Variants in MYO16 observed in about 807,000 individuals in gnomAD.
The protein encoded by MYO16 is unconventional myosin-XVI.
Under a neutral mutation model 205.3 loss-of-function variants are expected in MYO16, and 94 were observed. The ratio of observed to expected loss-of-function variants is 0.46; its 90% confidence interval spans 0.39 to 0.54. MYO16 has a LOEUF of 0.54. Ranked by LOEUF, MYO16 falls within the 20% of genes least tolerant of loss-of-function variation. MYO16 has a pLI of 0.00. For missense variants in MYO16, 2,315 were observed against 2,387.5 expected (o/e 0.97, Z 0.63); for synonymous variants, 988 against 954.0 (o/e 1.04, Z -0.66).
At chr13:109,151,281 C>T (rs1877648683) in intron 32 of MYO16, among the ~76,000 whole-genome samples, 1 of 152,230 alleles carries the variant, frequency 6.6e-6, no homozygotes, top group East Asian at 1.9e-4. Flanking sequence ...CAGGCCTTTA[C>T]TGACTCCATC....
intron 4 of MYO16, among the ~76,000 whole-genome samples, chr13:108,730,858 C>G (rs995388396): frequency 6.6e-6 from 1 of 152,218 alleles, no homozygotes; most frequent in African/African-American, 2.4e-5. Context: ...GACACTCCTT[C>G]TCTGTACTTT....
At chr13:108,995,812 A>G (rs983849004) in intron 21 of MYO16, among the ~76,000 whole-genome samples, 1 of 152,114 alleles carries the variant, frequency 6.6e-6, no homozygotes, top group Non-Finnish European at 1.5e-5. Flanking sequence ...GTGTATATGT[A>G]CCACATTTTC....
intron 28 of MYO16, among the ~76,000 whole-genome samples, chr13:109,108,308 C>G (rs1490891582): frequency 1.3e-5 from 2 of 152,152 alleles, no homozygotes; most frequent in East Asian, 3.9e-4. Flanking sequence ...CCACATCTTC[C>G]CTTTGCAAAT....
At chr13:109,161,043 G>A (rs1184415501) in intron 32 of MYO16, among the ~76,000 whole-genome samples, 3 of 152,122 alleles carry the variant, frequency 2.0e-5, no homozygotes, top group Non-Finnish European at 4.4e-5. Flanking sequence ...GTCAGGGCAC[G>A]GCTGCTTTCA....
rs1882754753 is a variant in MYO16, at chr13:108,688,179, GGCCTTAATTACAAGA to G, written c.292+22036_292+22050del. On this transcript the variant is annotated intron_variant, in intron 2 of 34. Transcript: ENST00000457511. ...GAAATTACAAGACCCTAATTACAAG[GGCCTTAATTACAAGA>G]GCCTTGTAATTTTTTTCCCCATGTA... is the stretch of plus-strand genomic sequence containing the variant. 8.5e-5 allele frequency among the ~76,000 whole-genome samples: 13 copies of G among 152,058 alleles called. No homozygotes were observed. The South Asian group carries it at 2.3e-3, about 27-fold the overall frequency.
intron 20 of MYO16, among the ~76,000 whole-genome samples, chr13:108,975,629 T>C (rs1884227542): frequency 6.6e-6 from 1 of 152,198 alleles, no homozygotes; most frequent in Non-Finnish European, 1.5e-5. Context: ...CCAGCCATGC[T>C]TCCTTATAGA....
chr13:108,560,480 A>G, the MYO16 span, among the ~76,000 whole-genome samples: 1 of 152,254 alleles, frequency 6.6e-6, no homozygotes, highest in Non-Finnish European at 1.5e-5. Context: ...TGCTTTGGAT[A>G]TTCCAGTAAA....
intron 33 of MYO16, among the ~76,000 whole-genome samples, chr13:109,166,111 A>C (rs967879898): frequency 6.6e-6 from 1 of 152,228 alleles, no homozygotes; most frequent in Non-Finnish European, 1.5e-5. Context: ...TAAGATAAAA[A>C]ATTAAAAGCA....
upstream of MYO16, among the ~76,000 whole-genome samples, chr13:108,628,165 G>A (rs1181984763): frequency 6.6e-6 from 1 of 152,096 alleles, no homozygotes; most frequent in Non-Finnish European, 1.5e-5. Flanking sequence ...GGTATATAAA[G>A]GCTCTGTTTT....
chr13:108,908,023 A>G (rs950316182), intron 15 of MYO16, among the ~76,000 whole-genome samples: 2 of 152,246 alleles, frequency 1.3e-5, no homozygotes, highest in Non-Finnish European at 2.9e-5. Flanking sequence ...AATATTATTA[A>G]TATTAAACAG....
chr13:108,632,135 G>C (rs1594159362), intron 1 of MYO16, among the ~76,000 whole-genome samples: 4 of 147,200 alleles, frequency 2.7e-5, no homozygotes, highest in Middle Eastern at 3.6e-3. Context: ...AGGGTTTATT[G>C]ATAAGGATCA....
At chr13:109,193,120 C>T (rs1019280789) in intron 34 of MYO16, among the ~76,000 whole-genome samples, 2 of 151,614 alleles carry the variant, frequency 1.3e-5, no homozygotes, top group Admixed American at 6.6e-5. Context: ...TCTCTCTCTC[C>T]CTCTCTCTTT....
chr13:109,182,859 T>C (rs1019632189), intron 34 of MYO16, among the ~76,000 whole-genome samples: 4 of 152,208 alleles, frequency 2.6e-5, no homozygotes, highest in African/African-American at 4.8e-5. Flanking sequence ...GTAGTGAAAA[T>C]TAATTTTACA....
At chr13:108,504,976 A>G in the MYO16 span, among the ~76,000 whole-genome samples, 22 of 152,304 alleles carry the variant, frequency 1.4e-4, no homozygotes, top group Middle Eastern at 3.4e-3. Flanking sequence ...GTTCTAGTCT[A>G]TGACTAGATT....
chr13:109,008,710 G>T (rs1269669452), intron 21 of MYO16, among the ~76,000 whole-genome samples, 187 bp from the exon 22 acceptor site: 1 of 146,866 alleles, frequency 6.8e-6, no homozygotes, highest in Non-Finnish European at 1.5e-5. Flanking sequence ...TGTCTATCTT[G>T]TGTATGCACT....
At chr13:109,120,346 G>A in intron 28 of MYO16, 24 bp from the exon 29 acceptor site, 1 of 1,525,708 alleles carries the variant, frequency 6.6e-7, no homozygotes, top group Non-Finnish European at 9.0e-7. Flanking sequence ...GCTGTTAAAT[G>A]TTTCCCTGCT....
At chr13:109,142,466 G>T (rs1877143846) in intron 32 of MYO16, among the ~76,000 whole-genome samples, 1 of 151,658 alleles carries the variant, frequency 6.6e-6, no homozygotes. Flanking sequence ...CGACTCCCTA[G>T]AACTAAATTG....
intron 2 of MYO16, among the ~76,000 whole-genome samples, chr13:108,674,266 T>C (rs1408468854): frequency 6.6e-6 from 1 of 152,204 alleles, no homozygotes; most frequent in Non-Finnish European, 1.5e-5. Flanking sequence ...TGTGATTATT[T>C]AGTCCAGCTG....
intron 33 of MYO16, among the ~76,000 whole-genome samples, chr13:109,170,004 A>T: frequency 6.6e-6 from 1 of 152,248 alleles, no homozygotes; most frequent in East Asian, 1.9e-4. Flanking sequence ...TAGATTATAG[A>T]TCTGTATGTC....
Sources: gnomAD v4.1 joint callset for allele counts (sites outside exome capture counted in the v4.1 genomes callset) on GRCh38, gnomAD v4.1.1 for gene constraint, MANE v1.5 for transcripts, NCBI Gene and HGNC (gene_info 2026-07-23, HGNC 2026-07-21) for gene names.